Variants in OR10H1 observed in about 807,000 individuals in gnomAD.
The protein encoded by OR10H1 is olfactory receptor 10H1.
Under a neutral mutation model 13.1 loss-of-function variants are expected in OR10H1, and 12 were observed. The ratio of observed to expected loss-of-function variants is 0.92; its 90% CI spans 0.59 to 1.48. The LOEUF is 1.48. Ranked by LOEUF, OR10H1 falls within the 40% of genes most tolerant of loss-of-function variation. The pLI is 0.00. For missense variants in OR10H1, 363 were observed against 413.1 expected (o/e 0.88, Z 1.05); for synonymous variants, 168 against 175.6 (o/e 0.96, Z 0.34).
rs1427572190 is a variant in OR10H1 at position 15,805,408 on chromosome 19, T to A, written c.*1673A>T. 6.6e-6 allele frequency: 1 copy of A among 150,652 alleles called. No homozygotes were observed. The highest frequency in any genetic ancestry group is 1.5e-5 in the Non-Finnish European group (1 of 67,780). 9.3% of individuals were successfully genotyped at this position (150,652 alleles called of 1,614,324 possible). ...TACAGTAGGGTCAATCTTAAATCCC[T>A]GCCCATTGGGAAGAGACCATGAGGT... On this transcript the variant is annotated 3_prime_UTR_variant, in exon 4 of 4. Transcript: ENST00000641419.
rs2088906784 is a variant in OR10H1 at position 15,807,560 on chromosome 19, T to G, written c.478A>C (p.Thr160Pro). 1.2e-6 allele frequency: 2 copies of G among 1,614,120 alleles called. No homozygotes were observed. The highest frequency in any genetic ancestry group is 1.7e-6 in the Non-Finnish European group (2 of 1,180,044). ...AAGGCGAGGTGGAAAATGGCCGAGG[T>G]CACCACCATCCCCATGACCAAGCCA... The part of the protein sequence containing the change: ...AGGLVMGMVV[T>P]SAIFHLAFCG... Residue 160 changes from threonine (T) to proline (P), a missense_variant, in exon 4 of 4, where the codon ACC becomes CCC. Around this residue, in one of 3 missense-constraint regions of OR10H1, gnomAD observed 318 missense variants for 366.6 expected, o/e 0.87. Transcript: ENST00000641419.
rs538098569 is a variant in OR10H1 at position 15,806,389 on chromosome 19, A to C, written c.*692T>G. On this transcript the variant is annotated 3_prime_UTR_variant, in exon 4 of 4. Transcript: ENST00000641419. ...TAAAGCATGACAAATAGAGGTTACT[A>C]TATGTTCATGGATTGTCTTTCTTTT... 6.6e-6 allele frequency: 1 copy of C among 152,386 alleles called. No individual in the cohort carries two copies. Among genetic ancestry groups the C allele is most frequent in the Admixed American group, 6.5e-5 (1 of 15,294 alleles). 9.4% of individuals were successfully genotyped at this position (152,386 alleles called of 1,614,324 possible). A position where few individuals can be genotyped will look rare whatever the true frequency, so the allele number is the denominator to read the frequency against.
intron 3 of OR10H1, 33 bp from the exon 4 acceptor site, chr19:15,808,081 A>G: frequency 6.5e-7 from 1 of 1,544,594 alleles, no homozygotes; most frequent in Non-Finnish European, 8.9e-7. Flanking sequence ...GATGTCAGTT[A>G]CTGCATGAAG....
At chr19:15,814,478 TGTGAGAGAGAGAGAGAGA>T (rs2088954385) in intron 1 of OR10H1, among the ~76,000 whole-genome samples, 4 of 26,494 alleles carry the variant, frequency 1.5e-4, no homozygotes, top group African/African-American at 6.0e-4. Context: ...TGTGTGTGTG[TGTGAGAGAGAGAGAGAGA>T]GAGAGAGAGA....
rs1271349256 is a variant in OR10H1 at position 15,805,004 on chromosome 19, G to C, written c.*2077C>G. On this transcript the variant is annotated 3_prime_UTR_variant, in exon 4 of 4. Coordinates refer to ENST00000641419, the MANE Select transcript of OR10H1 (RefSeq NM_013940.4). Reference sequence around the variant, plus strand: ...CGAGCATTTTTTCATATGTTTTTTGGCTGCATAAATGTCTTCTTTTGAGAA... The same window carrying C: ...CGAGCATTTTTTCATATGTTTTTTGCCTGCATAAATGTCTTCTTTTGAGAA... 6.6e-6 allele frequency: 1 copy of C among 152,020 alleles called. No homozygotes were observed. The highest frequency in any genetic ancestry group is 1.9e-4 in the East Asian group (1 of 5,198). 9.4% of individuals were successfully genotyped at this position (152,020 alleles called of 1,614,324 possible). A position where few individuals can be genotyped will look rare whatever the true frequency, so the allele number is the denominator to read the frequency against.
Position 15,807,978 on chromosome 19 carries a change from G to C in OR10H1, c.60C>G (p.Phe20Leu). Residue 20 changes from phenylalanine (F) to leucine (L), a missense_variant, in exon 4 of 4, where the codon TTC becomes TTG. Transcript: ENST00000641419. Reference protein sequence around the residue: ...TQFILVGFSVFPHLQLMLFLL... With the variant: ...TQFILVGFSVLPHLQLMLFLL... ...GGAAGAGCATCAGCTGGAGGTGGGGGAAGACAGAGAAGCCGACGAGGATGA... is the reference window on the plus strand; with the variant it reads ...GGAAGAGCATCAGCTGGAGGTGGGGCAAGACAGAGAAGCCGACGAGGATGA... 1 of 1,614,176 alleles carries C rather than the reference G, an allele frequency of 6.2e-7. No individual in the cohort carries two copies. The highest frequency in any genetic ancestry group is 8.5e-7 in the Non-Finnish European group (1 of 1,180,024).
In OR10H1 at chr19:15,805,321, G is replaced by GA. The variant is rs2088889478; in HGVS notation, c.*1759dup. On this transcript the variant is annotated 3_prime_UTR_variant, in exon 4 of 4. Transcript: ENST00000641419. ...TGAATGATGGAGAATTCACACTTTA[G>GA]AAAAAAATGATGCATAGCTCAAACA... 6.6e-6 allele frequency: 1 copy of GA among 150,588 alleles called. No individual in the cohort carries two copies. The allele number at this position is 150,588 out of a possible 1,614,324, so 9.3% of individuals were successfully genotyped here.
chr19:15,815,013 G>C (rs577029507), intron 1 of OR10H1, among the ~76,000 whole-genome samples: 1 of 152,082 alleles, frequency 6.6e-6, no homozygotes, highest in African/African-American at 2.4e-5. Flanking sequence ...CCCATCCAAG[G>C]GACCTACCTC....
In OR10H1 at chr19:15,806,869, G is replaced by C. The variant is rs2088897848; in HGVS notation, c.*212C>G. 1 of 529,136 alleles carries C rather than the reference G, an allele frequency of 1.9e-6. No individual in the cohort carries two copies. The highest frequency in any genetic ancestry group is 3.4e-6 in the Non-Finnish European group (1 of 295,584). The allele number at this position is 529,136 out of a possible 1,614,324, so 32.8% of individuals were successfully genotyped here. A position where few individuals can be genotyped will look rare whatever the true frequency, so the allele number is the denominator to read the frequency against. Reference sequence around the variant, plus strand: ...AGCCTCCCAAGTAGCTAGGGTTACAGGCATGTGCCAACATGCCTGGCTAAT... The same window carrying C: ...AGCCTCCCAAGTAGCTAGGGTTACACGCATGTGCCAACATGCCTGGCTAAT... On this transcript the variant is annotated 3_prime_UTR_variant, in exon 4 of 4. Coordinates refer to ENST00000641419, the MANE Select transcript of OR10H1 (RefSeq NM_013940.4).
At chr19:15,813,634 G>A (rs2088947260) in intron 1 of OR10H1, among the ~76,000 whole-genome samples, 1 of 142,544 alleles carries the variant, frequency 7.0e-6, no homozygotes, top group Non-Finnish European at 1.5e-5. Context: ...AGAGAGAGAT[G>A]GAGGGAGAGA....
Position 15,812,445 on chromosome 19 carries a change from G to A in OR10H1, c.-344C>T, listed in dbSNP as rs1316508682. ...GAAAGAGAGGGAGGGAGGGAGGAAGGAAAGAAGGATAAAAGGAAGGAAGGA... is the reference window on the plus strand; with the variant it reads ...GAAAGAGAGGGAGGGAGGGAGGAAGAAAAGAAGGATAAAAGGAAGGAAGGA... On this transcript the variant is annotated 5_prime_UTR_variant, in exon 2 of 4. Transcript: ENST00000641419. 1 of 148,778 alleles carries A rather than the reference G, an allele frequency of 6.7e-6. No homozygotes were observed. Among genetic ancestry groups the A allele is most frequent in the East Asian group, 2.0e-4 (1 of 4,954 alleles). 9.2% of individuals were successfully genotyped at this position (148,778 alleles called of 1,614,324 possible).
At chr19:15,811,741 G>A (rs904327364) in intron 2 of OR10H1, among the ~76,000 whole-genome samples, 1 of 152,198 alleles carries the variant, frequency 6.6e-6, no homozygotes, top group Admixed American at 6.5e-5. Context: ...CCATTCCTGG[G>A]TGCTTTCAAA....
chr19:15,805,504 G>C lies in OR10H1; in HGVS notation c.*1577C>G, dbSNP rs1170334350. Reference sequence around the variant, plus strand: ...AGTCTGTCACCCAGGCTGGAGTGCAGTGGTGTGATCTCAGCTCACTGCAAC... The same window carrying C: ...AGTCTGTCACCCAGGCTGGAGTGCACTGGTGTGATCTCAGCTCACTGCAAC... On this transcript the variant is annotated 3_prime_UTR_variant, in exon 4 of 4. Coordinates refer to ENST00000641419, the MANE Select transcript of OR10H1 (RefSeq NM_013940.4). 7.1e-6 allele frequency: 1 copy of C among 141,326 alleles called. No individual in the cohort carries two copies. The highest frequency in any genetic ancestry group is 2.6e-5 in the African/African-American group (1 of 38,382). 8.8% of individuals were successfully genotyped at this position (141,326 alleles called of 1,614,324 possible). A position where few individuals can be genotyped will look rare whatever the true frequency, so the allele number is the denominator to read the frequency against.
At chr19:15,808,190 A>G in intron 3 of OR10H1, 142 bp from the exon 4 acceptor site, 2 of 665,516 alleles carry the variant, frequency 3.0e-6, no homozygotes, top group Admixed American at 2.9e-5. Flanking sequence ...ATAATTTAAT[A>G]CTCTCGTCAA....
rs958577161 is a variant in OR10H1 at position 15,804,791 on chromosome 19, T to C, written c.*2290A>G. 2 of 152,220 alleles carry C rather than the reference T, an allele frequency of 1.3e-5. No individual in the cohort carries two copies. Among genetic ancestry groups the C allele is most frequent in the Admixed American group, 1.3e-4 (2 of 15,282 alleles). 9.4% of individuals were successfully genotyped at this position (152,220 alleles called of 1,614,324 possible). On this transcript the variant is annotated 3_prime_UTR_variant, in exon 4 of 4. Transcript: ENST00000641419. Reference sequence around the variant, plus strand: ...TTTCTAGTTCTAGATCCCTGAGGAATCGCCACACTGACTCCCACAATGGGG... The same window carrying C: ...TTTCTAGTTCTAGATCCCTGAGGAACCGCCACACTGACTCCCACAATGGGG...
At chr19:15,809,750 T>A (rs181975213) in intron 2 of OR10H1, among the ~76,000 whole-genome samples, 1 of 152,234 alleles carries the variant, frequency 6.6e-6, no homozygotes, top group Admixed American at 6.5e-5. Context: ...GTACATGGTC[T>A]TTGCTCAGTA....
chr19:15,806,930 T>C lies in OR10H1; in HGVS notation c.*151A>G. ...TTAGTAGAGATGGGGTTTCGCCATGTTAGCCATGCTGGTCTCAAACTCCTG... is the reference window on the plus strand; with the variant it reads ...TTAGTAGAGATGGGGTTTCGCCATGCTAGCCATGCTGGTCTCAAACTCCTG... On this transcript the variant is annotated 3_prime_UTR_variant, in exon 4 of 4. Coordinates refer to ENST00000641419, the MANE Select transcript of OR10H1 (RefSeq NM_013940.4). 1 of 710,500 alleles carries C rather than the reference T, an allele frequency of 1.4e-6. No homozygotes were observed. Among genetic ancestry groups the C allele is most frequent in the Admixed American group, 2.5e-5 (1 of 40,004 alleles). 44.0% of individuals were successfully genotyped at this position (710,500 alleles called of 1,614,324 possible). A position where few individuals can be genotyped will look rare whatever the true frequency, so the allele number is the denominator to read the frequency against.
rs28426969 is a variant in OR10H1, at chr19:15,807,570, C to A, written c.468G>T (p.Gly156=). 1 of 1,613,428 alleles carries A rather than the reference C, an allele frequency of 6.2e-7. No homozygotes were observed. Among genetic ancestry groups the A allele is most frequent in the East Asian group, 2.2e-5 (1 of 44,882 alleles). Residue 156 remains glycine, a synonymous_variant, in exon 4 of 4, where the codon GGG becomes GGT. Transcript: ENST00000641419. ...GCSWAGGLVM[G]MVVTSAIFHL... ...GGAAAATGGCCGAGGTCACCACCAT[C>A]CCCATGACCAAGCCACCAGCCCAGG...
chr19:15,814,014 C>T (rs145086016), intron 1 of OR10H1, among the ~76,000 whole-genome samples: 1 of 152,074 alleles, frequency 6.6e-6, no homozygotes, highest in Admixed American at 6.5e-5. Context: ...TAGGGCTAAG[C>T]GTGGCTGTGG....
Sources: gnomAD v4.1 joint callset for allele counts (sites outside exome capture counted in the v4.1 genomes callset) on GRCh38, gnomAD v4.1.1 for gene constraint, gnomAD v4.1.1 regional missense constraint, MANE v1.5 for transcripts, NCBI Gene and HGNC (gene_info 2026-07-23, HGNC 2026-07-21) for gene names.